Variants in ZNF521 observed in about 807,000 individuals in gnomAD.
ZNF521 encodes LYST-interacting protein 3.
ZNF521 carries 14 observed loss-of-function variants against 105.5 expected under a neutral mutation model. That is an observed-to-expected ratio of 0.13 (90% CI 0.09 to 0.21). The LOEUF (loss-of-function observed/expected upper bound fraction) is 0.21, where lower values mean the gene tolerates loss of function less well. Among genes scored for constraint, ZNF521 ranks in the 10% least tolerant of loss-of-function variants. The pLI, the probability that ZNF521 is intolerant of heterozygous loss-of-function variation, is 1.00. For synonymous variants in ZNF521, 635 were observed against 606.0 expected (o/e 1.05, Z -0.70); for missense variants, 1,233 against 1,629.7 (o/e 0.76, Z 4.19).
Position 25,351,927 on chromosome 18 carries a change from C to CAGG in ZNF521, c.-2+75_-2+77dup, listed in dbSNP as rs993170668. 2.3e-4 allele frequency: 66 copies of CAGG among 281,046 alleles called. 1 individual carries two copies. The East Asian group carries it at 4.2e-3, about 18-fold the overall frequency. The allele number at this position is 281,046 out of a possible 1,614,324, so 17.4% of individuals were successfully genotyped here. On this transcript the variant is annotated intron_variant, in intron 1 of 7. Coordinates refer to ENST00000361524, the MANE Select transcript of ZNF521 (RefSeq NM_015461.3). Reference sequence around the variant, plus strand: ...GCGGCGGCGGCAGCGGCGGCGAGAGCAGGAGGAGGAGGAGGAGGAGAGCCG... The same window carrying CAGG: ...GCGGCGGCGGCAGCGGCGGCGAGAGCAGGAGGAGGAGGAGGAGGAGGAGAGCCG...
In ZNF521 at chr18:25,195,151, G is replaced by A. The variant is rs2035881891; in HGVS notation, c.3658+9C>T. The A allele has an allele frequency of 3.8e-6, 6 of 1,593,318 alleles. No individual in the cohort carries two copies. In the African/African-American group the frequency reaches 4.1e-5, roughly 11 times the overall value. Reference sequence around the variant, plus strand: ...ATCTATCTGTAATAAGGTTTAGAGTGTCACTCACCAATCATGTGATTTGCA... The same window carrying A: ...ATCTATCTGTAATAAGGTTTAGAGTATCACTCACCAATCATGTGATTTGCA... On this transcript the variant is annotated intron_variant, in intron 5 of 7. Coordinates refer to ENST00000361524, the MANE Select transcript of ZNF521 (RefSeq NM_015461.3).
intron 5 of ZNF521, among the ~76,000 whole-genome samples, chr18:25,159,856 A>G (rs1297705717): frequency 6.6e-6 from 1 of 152,228 alleles, no homozygotes; most frequent in African/African-American, 2.4e-5. Flanking sequence ...CACCAAGATA[A>G]TAGTACACAT....
chr18:25,125,715 CA>C (rs1290369435), intron 5 of ZNF521, among the ~76,000 whole-genome samples: 1 of 106,026 alleles, frequency 9.4e-6, no homozygotes, highest in African/African-American at 3.5e-5. Flanking sequence ...ATTTAGTTTT[CA>C]AAACTGCTTT....
chr18:25,176,261 C>A (rs916886051), intron 5 of ZNF521, among the ~76,000 whole-genome samples: 25 of 152,180 alleles, frequency 1.6e-4, no homozygotes, highest in African/African-American at 5.6e-4. Flanking sequence ...AACCCCAACG[C>A]TCTAAATTTA....
intron 2 of ZNF521, among the ~76,000 whole-genome samples, chr18:25,341,873 T>C (rs768615787): frequency 1.3e-5 from 2 of 152,208 alleles, no homozygotes; most frequent in Non-Finnish European, 2.9e-5. Flanking sequence ...TATATATCTG[T>C]TTGGTTCACA....
chr18:25,099,687 T>A (rs183021353), intron 5 of ZNF521, among the ~76,000 whole-genome samples: 3 of 152,338 alleles, frequency 2.0e-5, no homozygotes, highest in Non-Finnish European at 4.4e-5. Flanking sequence ...TTCTTTTAAT[T>A]AATTGGCTAA....
chr18:25,266,984 C>T (rs1449106525), intron 3 of ZNF521, among the ~76,000 whole-genome samples: 1 of 152,168 alleles, frequency 6.6e-6, no homozygotes, highest in Non-Finnish European at 1.5e-5. Flanking sequence ...TCTGGCTCAG[C>T]GGGTCCCATC....
chr18:25,212,534 A>AAAAAATATATATATATATATATATAT (rs2036205988), intron 4 of ZNF521, among the ~76,000 whole-genome samples: 1 of 93,104 alleles, frequency 1.1e-5, no homozygotes, highest in African/African-American at 6.1e-5. Flanking sequence ...AAAAAAAAAA[A>AAAAAATATATATATATATATATATAT]AAAAATATAT....
At chr18:25,094,100 G>C (rs1381752698) in intron 5 of ZNF521, among the ~76,000 whole-genome samples, 1 of 152,164 alleles carries the variant, frequency 6.6e-6, no homozygotes, top group Non-Finnish European at 1.5e-5. Context: ...GATATGAACT[G>C]ATATACACTT....
At chr18:25,273,861 A>G (rs1568048799) in intron 3 of ZNF521, among the ~76,000 whole-genome samples, 1 of 152,154 alleles carries the variant, frequency 6.6e-6, no homozygotes, top group African/African-American at 2.4e-5. Flanking sequence ...TGGGGTTAGG[A>G]TAAGTACAGT....
intron 2 of ZNF521, among the ~76,000 whole-genome samples, chr18:25,350,586 TA>T (rs999130058): frequency 2.0e-5 from 3 of 150,794 alleles, no homozygotes; most frequent in African/African-American, 4.9e-5. Context: ...TCAGACGGGA[TA>T]TTTTTTTTTC....
chr18:25,146,234 T>TG (rs1160424293), intron 5 of ZNF521, among the ~76,000 whole-genome samples: 1 of 152,150 alleles, frequency 6.6e-6, no homozygotes, highest in African/African-American at 2.4e-5. Context: ...CCCTCCTAAG[T>TG]GGATAATGAA....
At chr18:25,220,637 T>C (rs776641144) in intron 4 of ZNF521, among the ~76,000 whole-genome samples, 20 of 152,168 alleles carry the variant, frequency 1.3e-4, no homozygotes, top group Non-Finnish European at 2.8e-4. Flanking sequence ...TGGCACCCTA[T>C]GCACATCTCG....
chr18:25,300,462 T>G (rs1911573951), intron 3 of ZNF521, among the ~76,000 whole-genome samples: 2 of 152,312 alleles, frequency 1.3e-5, no homozygotes, highest in South Asian at 4.1e-4. Flanking sequence ...AAATACATGT[T>G]TTGATCTAAT....
intron 4 of ZNF521, among the ~76,000 whole-genome samples, chr18:25,207,532 A>T (rs1309983283): frequency 6.6e-6 from 1 of 152,152 alleles, no homozygotes; most frequent in Non-Finnish European, 1.5e-5. Context: ...TATTATATTC[A>T]AAGGTTTCCT....
At chr18:25,180,854 C>T (rs563090091) in intron 5 of ZNF521, among the ~76,000 whole-genome samples, 2 of 152,274 alleles carry the variant, frequency 1.3e-5, no homozygotes, top group South Asian at 4.1e-4. Flanking sequence ...ACAACAACAA[C>T]AACAACAACA....
At position 25,226,910 on chromosome 18, in the gene ZNF521, C is replaced by T. The variant is rs777723548; in HGVS notation, c.1008G>A (p.Glu336=). The T allele has an allele frequency of 1.9e-6, 3 of 1,613,810 alleles. No individual in the cohort carries two copies. Among genetic ancestry groups the T allele is most frequent in the Non-Finnish European group, 1.7e-6 (2 of 1,180,010 alleles). The part of the protein sequence containing the change: ...YSHMDSHQQP[E]SCNHSNSPSL... ...AAGGGCTGTTGCTGTGATTGCATGA[C>T]TCCGGTTGCTGGTGACTGTCCATGT... Residue 336 remains glutamate, a synonymous_variant, in exon 4 of 8, where the codon GAG becomes GAA. Coordinates refer to ENST00000361524, the MANE Select transcript of ZNF521 (RefSeq NM_015461.3). This position sits in a 1 kb window ranked among gnomAD's most constrained non-coding sequence, Gnocchi z 4.1.
intron 5 of ZNF521, among the ~76,000 whole-genome samples, chr18:25,158,708 C>T (rs1476639103): frequency 6.6e-6 from 1 of 152,046 alleles, no homozygotes; most frequent in East Asian, 1.9e-4. Context: ...TAATCCCAAG[C>T]ACTTTGGGAG....
intron 3 of ZNF521, among the ~76,000 whole-genome samples, chr18:25,261,724 A>T (rs972417157): frequency 4.6e-5 from 7 of 151,876 alleles, no homozygotes; most frequent in Non-Finnish European, 1.0e-4. Context: ...CCAGTCTCGG[A>T]AACAGTGGTT....
Sources: allele counts gnomAD v4.1 joint callset (sites outside exome capture counted in the v4.1 genomes callset), GRCh38; gene constraint gnomAD v4.1.1; non-coding constraint Gnocchi (gnomAD v3.1); transcripts MANE v1.5; gene names NCBI Gene and HGNC (gene_info 2026-07-23, HGNC 2026-07-21).